The following ANKFN1 variants were observed in gnomAD, a reference collection of about 807,000 sequenced individuals.
ANKFN1 encodes ankyrin repeat and fibronectin type III domain containing 1, also known as ankyrin repeat and fibronectin type-III domain-containing protein 1.
ANKFN1 carries 74 observed loss-of-function variants against 108.7 expected under a neutral mutation model. The ratio of observed to expected loss-of-function variants is 0.68; its 90% CI spans 0.56 to 0.83. The LOEUF (loss-of-function observed/expected upper bound fraction) is 0.83. Among genes scored for constraint, ANKFN1 ranks in the 40% least tolerant of loss-of-function variants. The pLI is 0.00. For missense variants in ANKFN1, 1,505 were observed against 1,382.3 expected, an observed-to-expected ratio of 1.09 and a Z score of -1.41; for synonymous variants, 547 against 516.2, an observed-to-expected ratio of 1.06 and a Z score of -0.81.
intron 5 of ANKFN1, among the ~76,000 whole-genome samples, chr17:56,352,119 GC>G (rs2046263652): frequency 6.6e-6 from 1 of 152,160 alleles, no homozygotes; most frequent in African/African-American, 2.4e-5. Flanking sequence ...TTAAATCGGG[GC>G]CTAAGCATCA....
At chr17:56,117,538 A>G (rs1906355857) in intron 4 of ANKFN1, among the ~76,000 whole-genome samples, 1 of 152,174 alleles carries the variant, frequency 6.6e-6, no homozygotes, top group Non-Finnish European at 1.5e-5. Context: ...TGAGTAAGAA[A>G]TTTGTCTCAA....
chr17:56,441,058 A>G (rs1436011289), intron 9 of ANKFN1, among the ~76,000 whole-genome samples: 1 of 152,194 alleles, frequency 6.6e-6, no homozygotes, highest in African/African-American at 2.4e-5. Flanking sequence ...AATTATGAAC[A>G]TATGAGCATA....
intron 3 of ANKFN1, among the ~76,000 whole-genome samples, chr17:56,289,746 C>T (rs1418087545): frequency 6.6e-6 from 1 of 152,210 alleles, no homozygotes; most frequent in Non-Finnish European, 1.5e-5. Flanking sequence ...ATGTGTGGCA[C>T]TCTTCACTCA....
chr17:56,285,622 G>A (rs2144271456), intron 3 of ANKFN1, among the ~76,000 whole-genome samples: 1 of 152,216 alleles, frequency 6.6e-6, no homozygotes, highest in East Asian at 1.9e-4. Flanking sequence ...CTCTCCCCAT[G>A]TATAACTCAA....
chr17:56,155,400 C>G (rs1046940123), intron 1 of ANKFN1, among the ~76,000 whole-genome samples: 1 of 152,212 alleles, frequency 6.6e-6, no homozygotes, highest in African/African-American at 2.4e-5. Context: ...TGGAATGTGC[C>G]AAGCAGCTGG....
intron 3 of ANKFN1, among the ~76,000 whole-genome samples, chr17:56,313,303 T>G (rs2045100382): frequency 6.6e-6 from 1 of 152,146 alleles, no homozygotes; most frequent in Admixed American, 6.5e-5. Flanking sequence ...GATGTTTTAG[T>G]CAGATGGAAC....
intron 18 of ANKFN1, among the ~76,000 whole-genome samples, chr17:56,487,003 C>G (rs964781630): frequency 6.6e-6 from 1 of 152,176 alleles, no homozygotes; most frequent in African/African-American, 2.4e-5. Flanking sequence ...CTGCATAGAT[C>G]TAGCAAAGAC....
At chr17:56,090,266 A>G (rs1052172095) in intron 4 of ANKFN1, among the ~76,000 whole-genome samples, 1 of 151,268 alleles carries the variant, frequency 6.6e-6, no homozygotes. Flanking sequence ...TTTCCAACCT[A>G]TCTGCAATAG....
At position 56,164,120 on chromosome 17, in the gene ANKFN1, T is replaced by G. The variant is rs151146796; in HGVS notation, c.-71+10590T>G. ...TTCCATCCATATCTCCAGTCTTGTA[T>G]TTTATTCCCCTCAACTCTGGCCACA... is the stretch of plus-strand genomic sequence containing the variant. On this transcript the variant is annotated intron_variant, in intron 1 of 20. Transcript: ENST00000682825. 3.2e-3 allele frequency among the ~76,000 whole-genome samples: 481 copies of G among 152,318 alleles called. 3 individuals carry two copies. The highest frequency in any genetic ancestry group is 0.02 in the Middle Eastern group (6 of 294).
intron 8 of ANKFN1, among the ~76,000 whole-genome samples, chr17:56,420,930 G>A (rs569868971): frequency 6.6e-6 from 1 of 151,888 alleles, no homozygotes; most frequent in Non-Finnish European, 1.5e-5. Flanking sequence ...GGATGGTCTC[G>A]ATCTCCTGAC....
At chr17:56,081,613 A>T (rs1905246857) in intron 4 of ANKFN1, among the ~76,000 whole-genome samples, 1 of 152,160 alleles carries the variant, frequency 6.6e-6, no homozygotes, top group Non-Finnish European at 1.5e-5. Context: ...TCAGCCTCCC[A>T]AAGTACTGGG....
chr17:56,157,501 G>A (rs567564785), intron 1 of ANKFN1, among the ~76,000 whole-genome samples: 8 of 152,320 alleles, frequency 5.3e-5, no homozygotes, highest in African/African-American at 1.9e-4. Context: ...CCACAGTTCA[G>A]ATGCAAATGG....
intron 3 of ANKFN1, among the ~76,000 whole-genome samples, chr17:56,244,499 A>G (rs1175692604): frequency 6.6e-6 from 1 of 152,190 alleles, no homozygotes; most frequent in East Asian, 1.9e-4. Context: ...AGAGAATGAA[A>G]TTACTCAGCT....
At chr17:56,412,015 A>T (rs2048107856) in intron 8 of ANKFN1, among the ~76,000 whole-genome samples, 1 of 152,174 alleles carries the variant, frequency 6.6e-6, no homozygotes, top group Non-Finnish European at 1.5e-5. Context: ...AAGTTCAGAA[A>T]TTATTCTCTC....
At chr17:56,133,185 T>G (rs1469609267) in intron 4 of ANKFN1, among the ~76,000 whole-genome samples, 1 of 152,106 alleles carries the variant, frequency 6.6e-6, no homozygotes, top group Non-Finnish European at 1.5e-5. Flanking sequence ...TGTCATTAGG[T>G]GTATATATCC....
intron 20 of ANKFN1, among the ~76,000 whole-genome samples, chr17:56,508,134 T>C (rs940987102): frequency 5.9e-5 from 9 of 152,168 alleles, no homozygotes; most frequent in Non-Finnish European, 1.3e-4. Flanking sequence ...AGGTAAATAT[T>C]TGGAGGGAAA....
intron 2 of ANKFN1, among the ~76,000 whole-genome samples, chr17:56,224,384 T>A (rs1916098693): frequency 6.6e-6 from 1 of 152,090 alleles, no homozygotes; most frequent in African/African-American, 2.4e-5. Flanking sequence ...AGAATAAGAG[T>A]ACAGTAGCCA....
intron 7 of ANKFN1, 115 bp from the exon 8 acceptor site, chr17:56,374,486 T>C: frequency 2.6e-6 from 2 of 771,298 alleles, no homozygotes; most frequent in South Asian, 1.7e-5. Context: ...GCTATTAGGC[T>C]CCACAAACAA....
intron 14 of ANKFN1, among the ~76,000 whole-genome samples, chr17:56,465,077 C>A (rs1478054048): frequency 6.6e-6 from 1 of 152,176 alleles, no homozygotes; most frequent in African/African-American, 2.4e-5. Context: ...TGCTACAAAT[C>A]AGGGCTTTCT....
Sources: gnomAD v4.1 joint callset for allele counts (sites outside exome capture counted in the v4.1 genomes callset) on GRCh38, gnomAD v4.1.1 for gene constraint, MANE v1.5 for transcripts, NCBI Gene and HGNC (gene_info 2026-07-23, HGNC 2026-07-21) for gene names.